ANKRD31: variants seen among roughly 807,000 people sequenced by gnomAD.
ANKRD31 encodes ankyrin repeat domain-containing protein 31.
Under a neutral mutation model 186.0 loss-of-function variants are expected in ANKRD31, and 147 were observed. That is an observed-to-expected ratio of 0.79 (90% CI 0.69 to 0.91). The LOEUF is 0.91. Ranked by LOEUF, ANKRD31 falls within the 40% of genes least tolerant of loss-of-function variation. The probability of loss-of-function intolerance (pLI) is 0.00; values close to 1 mark genes in which losing one functional copy is unlikely to be tolerated. For synonymous variants in ANKRD31, 673 were observed against 736.4 expected, an observed-to-expected ratio of 0.91 and a Z score of 1.39; for missense variants, 1,986 against 2,148.8, an observed-to-expected ratio of 0.92 and a Z score of 1.50.
chr5:75,075,085 A>G (rs1035275057), intron 25 of ANKRD31, among the ~76,000 whole-genome samples: 3 of 152,366 alleles, frequency 2.0e-5, no homozygotes, highest in African/African-American at 7.2e-5. Context: ...GAGTTCTATT[A>G]TCAGTCTTCT....
At chr5:75,147,545 G>T (rs185099318) in intron 13 of ANKRD31, 40 bp from the exon 14 acceptor site, 1 of 1,238,890 alleles carries the variant, frequency 8.1e-7, no homozygotes, top group Non-Finnish European at 1.1e-6. Flanking sequence ...AATTTTCAGC[G>T]GTAGTACTAT....
chr5:75,086,896 T>TAC (rs113465250), intron 23 of ANKRD31, among the ~76,000 whole-genome samples: 7,456 of 152,212 alleles, frequency 0.049, 393 homozygotes, highest in African/African-American at 0.13. Flanking sequence ...CGCATGTGCA[T>TAC]ACACACACAC....
chr5:75,098,722 GCTCT>G (rs1163064149), intron 22 of ANKRD31, among the ~76,000 whole-genome samples: 7 of 152,008 alleles, frequency 4.6e-5, no homozygotes, highest in South Asian at 2.1e-4. Flanking sequence ...TCATGATTTG[GCTCT>G]CTGTTTGTCT....
rs1469332142 is a variant in ANKRD31, at chr5:75,068,609, T to C, written c.5703A>G (p.Ile1901Met). ...SSPRYLQINE[I>M]LLISDQEFLP... Reference sequence around the variant, plus strand: ...GAAATTCTTGATCACTGATTAATAGTATTTCATTTATTTGTAGATAACGTG... The same window carrying C: ...GAAATTCTTGATCACTGATTAATAGCATTTCATTTATTTGTAGATAACGTG... Residue 1901 changes from isoleucine to methionine, a missense_variant, in exon 26 of 26, where the codon ATA becomes ATG. By Grantham distance (10) the Ile-to-Met change is conservative. Transcript: ENST00000506364. The C allele has an allele frequency of 6.6e-7, 1 of 1,523,048 alleles. No homozygotes were observed. Among genetic ancestry groups the C allele is most frequent in the Admixed American group, 2.0e-5 (1 of 49,086 alleles). The allele number at this position is 1,523,048 out of a possible 1,614,324, so 94.3% of individuals were successfully genotyped here.
intron 17 of ANKRD31, among the ~76,000 whole-genome samples, chr5:75,132,436 A>G (rs1749944349): frequency 6.6e-6 from 1 of 152,252 alleles, no homozygotes; most frequent in Non-Finnish European, 1.5e-5. Flanking sequence ...GATCAAATGA[A>G]TGAACTGAAG....
At chr5:75,134,318 A>G (rs1750357286) in intron 17 of ANKRD31, among the ~76,000 whole-genome samples, 1 of 152,214 alleles carries the variant, frequency 6.6e-6, no homozygotes, top group Admixed American at 6.5e-5. Flanking sequence ...CACAATAAAA[A>G]TGATAAAGGT....
intron 20 of ANKRD31, among the ~76,000 whole-genome samples, chr5:75,111,973 G>A (rs887960591): frequency 1.3e-5 from 2 of 151,988 alleles, no homozygotes; most frequent in Non-Finnish European, 2.9e-5. Flanking sequence ...CAACACACAG[G>A]GTAACATAAT....
intron 17 of ANKRD31, among the ~76,000 whole-genome samples, chr5:75,123,243 A>T (rs1748939029): frequency 6.6e-6 from 1 of 152,076 alleles, no homozygotes; most frequent in Non-Finnish European, 1.5e-5. Flanking sequence ...TAGTTAACCA[A>T]GGAGGTGAAA....
intron 1 of ANKRD31, among the ~76,000 whole-genome samples, chr5:75,233,056 TTTTTC>T (rs905463306): frequency 2.3e-5 from 3 of 132,076 alleles, no homozygotes; most frequent in African/African-American, 7.4e-5. Flanking sequence ...TTTTTTTAAT[TTTTTC>T]TTTTCCTTTT....
chr5:75,102,387 A>G (rs1462334343), intron 22 of ANKRD31, among the ~76,000 whole-genome samples: 1 of 152,244 alleles, frequency 6.6e-6, no homozygotes, highest in Non-Finnish European at 1.5e-5. Flanking sequence ...TCAGGGACCC[A>G]CTTGAGGAGG....
At chr5:75,136,853 T>G (rs1244392700) in intron 17 of ANKRD31, among the ~76,000 whole-genome samples, 3 of 152,224 alleles carry the variant, frequency 2.0e-5, no homozygotes. Flanking sequence ...GATGAGTTCA[T>G]GTCCTTTGCA....
chr5:75,162,433 A>C (rs1752631574), intron 11 of ANKRD31, among the ~76,000 whole-genome samples: 2 of 152,312 alleles, frequency 1.3e-5, no homozygotes, highest in East Asian at 3.9e-4. Context: ...TTGTATCTAC[A>C]AGGTAACTAA....
intron 17 of ANKRD31, among the ~76,000 whole-genome samples, 165 bp downstream of exon 17, chr5:75,137,691 T>C (rs1750703143): frequency 6.6e-6 from 1 of 152,160 alleles, no homozygotes; most frequent in Non-Finnish European, 1.5e-5. Context: ...ACATAGATTT[T>C]CTAATCCATA....
intron 2 of ANKRD31, among the ~76,000 whole-genome samples, chr5:75,228,934 G>T (rs1198511921): frequency 6.6e-6 from 1 of 152,144 alleles, no homozygotes; most frequent in African/African-American, 2.4e-5. Context: ...TCCCACTTAG[G>T]TATCAGGTGA....
intron 17 of ANKRD31, among the ~76,000 whole-genome samples, chr5:75,132,099 C>A (rs892738356): frequency 6.6e-6 from 1 of 152,186 alleles, no homozygotes; most frequent in East Asian, 1.9e-4. Context: ...AAAATCAGAG[C>A]GCCTCTTCTC....
chr5:75,085,257 A>G (rs866934706), intron 23 of ANKRD31, among the ~76,000 whole-genome samples: 5 of 152,344 alleles, frequency 3.3e-5, no homozygotes, highest in South Asian at 2.1e-4. Context: ...CTATTAAACC[A>G]TAAGCTCCTT....
intron 10 of ANKRD31, among the ~76,000 whole-genome samples, chr5:75,185,774 T>C (rs951864434): frequency 4.6e-5 from 7 of 152,114 alleles, no homozygotes; most frequent in African/African-American, 9.6e-5. Context: ...AAAAAACACA[T>C]TGTTCCCCAT....
intron 1 of ANKRD31, among the ~76,000 whole-genome samples, chr5:75,236,049 T>C (rs1039782798): frequency 2.6e-5 from 4 of 152,204 alleles, no homozygotes; most frequent in African/African-American, 9.7e-5. Context: ...CCTGCCCTCT[T>C]TTCCCTGTGT....
Position 75,118,297 on chromosome 5 carries a change from C to T in ANKRD31, c.3877G>A (p.Ala1293Thr). ...HDAVANNHLK[A>T]AEILLQNGAN... ...CCATTTTGTAGTAGAATCTCAGCTG[C>T]CTACAAAGTATTTTTTCAAAGTTAT... Residue 1293 changes from alanine (A) to threonine (T), a missense_variant and splice_region_variant, in exon 18 of 26, where the codon GCA becomes ACA. Physicochemically the swap from Ala to Thr is moderately conservative, Grantham distance 58. Coordinates refer to ENST00000506364, the MANE Select transcript of ANKRD31 (RefSeq NM_001372053.1). The T allele has an allele frequency of 4.7e-6, 7 of 1,475,668 alleles. No individual in the cohort carries two copies. Among genetic ancestry groups the T allele is most frequent in the Non-Finnish European group, 6.2e-6 (7 of 1,124,876 alleles). The allele number at this position is 1,475,668 out of a possible 1,614,324, so 91.4% of individuals were successfully genotyped here.
Sources: gnomAD v4.1 joint callset for allele counts (sites outside exome capture counted in the v4.1 genomes callset) on GRCh38, gnomAD v4.1.1 for gene constraint, MANE v1.5 for transcripts, NCBI Gene and HGNC (gene_info 2026-07-23, HGNC 2026-07-21) for gene names.